Variants in GALNT13 observed in about 807,000 individuals in gnomAD.
GALNT13 encodes UDP-GalNAc:polypeptide N-acetylgalactosaminyltransferase 13.
GALNT13 carries 28 observed loss-of-function variants against 64.2 expected under a neutral mutation model. That is an observed-to-expected ratio of 0.44 (90% CI 0.32 to 0.60). The LOEUF is 0.60. Ranked by LOEUF, GALNT13 falls within the 20% of genes least tolerant of loss-of-function variation. The probability of loss-of-function intolerance (pLI) is 0.05; values close to 1 mark genes in which losing one functional copy is unlikely to be tolerated. For missense variants in GALNT13, 577 were observed against 669.8 expected (o/e 0.86, Z 1.53); for synonymous variants, 214 against 224.6 (o/e 0.95, Z 0.42).
In GALNT13 at chr2:154,242,023, T is replaced by G. The variant is rs757319167; in HGVS notation, c.312-7T>G. On this transcript the variant is annotated splice_region_variant and splice_polypyrimidine_tract_variant and intron_variant, in intron 4 of 12. Coordinates refer to ENST00000392825, the MANE Select transcript of GALNT13 (RefSeq NM_052917.4). ...TATTAAGATCCCTCTTCTTTTCTCTTTTTCAGATGTAAGACAAAAGTCTAC... is the reference window on the plus strand; with the variant it reads ...TATTAAGATCCCTCTTCTTTTCTCTGTTTCAGATGTAAGACAAAAGTCTAC... 9.0e-6 allele frequency: 14 copies of G among 1,557,284 alleles called. No individual in the cohort carries two copies. The African/African-American group carries it at 1.9e-4, about 22-fold the overall frequency.
At chr2:153,250,214 G>C in the GALNT13 span, among the ~76,000 whole-genome samples, 4 of 152,318 alleles carry the variant, frequency 2.6e-5, no homozygotes, top group African/African-American at 9.6e-5. Context: ...CCATCAAAAA[G>C]TGGGCAAAGG....
chr2:153,751,481 T>A, the GALNT13 span, among the ~76,000 whole-genome samples: 2 of 151,936 alleles, frequency 1.3e-5, no homozygotes, highest in African/African-American at 4.8e-5. Flanking sequence ...TTAGTTCTAG[T>A]AATATTTGCT....
chr2:154,266,979 A>T (rs1221867394), intron 8 of GALNT13, among the ~76,000 whole-genome samples: 1 of 152,078 alleles, frequency 6.6e-6, no homozygotes, highest in African/African-American at 2.4e-5. Context: ...AATAATCAAG[A>T]CTGTGTGTTA....
intron 3 of GALNT13, among the ~76,000 whole-genome samples, chr2:153,966,532 A>ATT (rs1055664933): frequency 6.7e-6 from 1 of 150,106 alleles, no homozygotes; most frequent in East Asian, 2.0e-4. Flanking sequence ...CGCCTGGCTA[A>ATT]TTTTTTTTTG....
the GALNT13 span, among the ~76,000 whole-genome samples, chr2:153,084,326 G>A: frequency 6.6e-6 from 1 of 152,090 alleles, no homozygotes; most frequent in South Asian, 2.1e-4. Flanking sequence ...ATTGCTTTTG[G>A]CAGTTTGGTC....
At chr2:153,414,412 C>T in the GALNT13 span, among the ~76,000 whole-genome samples, 1 of 150,276 alleles carries the variant, frequency 6.7e-6, no homozygotes, top group Non-Finnish European at 1.5e-5. Flanking sequence ...TAAAAAGTTA[C>T]AGTGTCCTTT....
chr2:154,387,998 C>A (rs1014217002), intron 9 of GALNT13, among the ~76,000 whole-genome samples: 2 of 152,128 alleles, frequency 1.3e-5, no homozygotes, highest in African/African-American at 4.8e-5. Flanking sequence ...AAGCTCCATA[C>A]CACTTTTATA....
At chr2:154,126,644 A>AC (rs1553481804) in intron 3 of GALNT13, among the ~76,000 whole-genome samples, 7 of 150,138 alleles carry the variant, frequency 4.7e-5, no homozygotes, top group African/African-American at 1.7e-4. Flanking sequence ...CAAAAAAACA[A>AC]AAAAAAAAAA....
At chr2:154,006,110 G>T (rs1397657566) in intron 3 of GALNT13, among the ~76,000 whole-genome samples, 1 of 152,186 alleles carries the variant, frequency 6.6e-6, no homozygotes, top group Non-Finnish European at 1.5e-5. Context: ...TGGTAACTAT[G>T]CTGAACATAT....
At chr2:153,593,170 C>A in the GALNT13 span, 1 of 152,476 alleles carries the variant, frequency 6.6e-6, no homozygotes, top group Admixed American at 6.5e-5. Context: ...AGGTGGGTAG[C>A]CTGAGGCAAG....
intron 11 of GALNT13, among the ~76,000 whole-genome samples, chr2:154,420,162 C>T (rs1380868327): frequency 6.6e-6 from 1 of 151,934 alleles, no homozygotes; most frequent in Non-Finnish European, 1.5e-5. Context: ...GACACAAAGG[C>T]GTACCTCAAC....
chr2:153,625,780 G>A, the GALNT13 span, among the ~76,000 whole-genome samples: 1 of 151,902 alleles, frequency 6.6e-6, no homozygotes, highest in Admixed American at 6.6e-5. Context: ...CCCCAGACAG[G>A]GGATCGTTCT....
chr2:153,336,875 G>C, the GALNT13 span, among the ~76,000 whole-genome samples: 1 of 152,162 alleles, frequency 6.6e-6, no homozygotes, highest in Non-Finnish European at 1.5e-5. Context: ...GGACCCAGGG[G>C]GAGGCAATTG....
At chr2:153,805,858 T>C in the GALNT13 span, among the ~76,000 whole-genome samples, 1 of 152,038 alleles carries the variant, frequency 6.6e-6, no homozygotes, top group Non-Finnish European at 1.5e-5. Flanking sequence ...ACAAGTGTAA[T>C]ACATGTGATT....
the GALNT13 span, among the ~76,000 whole-genome samples, chr2:153,566,805 C>T: frequency 3.7e-4 from 55 of 147,304 alleles, no homozygotes; most frequent in Admixed American, 3.2e-3. Context: ...CCTCTACTTT[C>T]GCCAGTAGAT....
chr2:153,454,986 TTATAA>T, the GALNT13 span, among the ~76,000 whole-genome samples: 2 of 152,256 alleles, frequency 1.3e-5, no homozygotes, highest in Non-Finnish European at 2.9e-5. Context: ...CATTTATAAC[TTATAA>T]TGTATATACA....
chr2:154,336,764 T>C (rs1273291675), intron 9 of GALNT13, among the ~76,000 whole-genome samples: 1 of 152,048 alleles, frequency 6.6e-6, no homozygotes, highest in Non-Finnish European at 1.5e-5. Context: ...AGTTTTAATG[T>C]CCTAATGCTT....
intron 3 of GALNT13, among the ~76,000 whole-genome samples, chr2:154,064,526 C>A (rs574407209): frequency 1.3e-5 from 2 of 152,214 alleles, no homozygotes; most frequent in African/African-American, 4.8e-5. Context: ...TGTCTTGGAA[C>A]TTGGATACCA....
the GALNT13 span, among the ~76,000 whole-genome samples, chr2:153,747,156 C>T: frequency 3.9e-5 from 6 of 152,012 alleles, no homozygotes; most frequent in Admixed American, 6.6e-5. Context: ...GAAATAATCA[C>T]GTCATGGAGA....
Sources: gnomAD v4.1 joint callset for allele counts (sites outside exome capture counted in the v4.1 genomes callset) on GRCh38, gnomAD v4.1.1 for gene constraint, MANE v1.5 for transcripts, NCBI Gene and HGNC (gene_info 2026-07-23, HGNC 2026-07-21) for gene names.